GABRG3: variants seen among roughly 807,000 people sequenced by gnomAD.
GABRG3 encodes gamma-aminobutyric acid receptor subunit gamma-3.
In GABRG3, 25 loss-of-function variants were observed where a neutral mutation model predicts 48.8. The observed-to-expected ratio is 0.51, with a 90% CI of 0.37 to 0.72. GABRG3 has a LOEUF of 0.72. Ranked by LOEUF, GABRG3 falls within the 30% of genes least tolerant of loss-of-function variation. The pLI is 0.00. For synonymous variants in GABRG3, 227 were observed against 217.6 expected (o/e 1.04, Z -0.38); for missense variants, 394 against 577.9 (o/e 0.68, Z 3.26).
At chr15:27,469,196 T>C (rs1889707967) in intron 5 of GABRG3, among the ~76,000 whole-genome samples, 1 of 152,172 alleles carries the variant, frequency 6.6e-6, no homozygotes, top group South Asian at 2.1e-4. Context: ...AAAGTTAGTA[T>C]GGGTTCCTTA....
At chr15:27,142,188 T>C (rs1777844029) in intron 3 of GABRG3, among the ~76,000 whole-genome samples, 2 of 152,232 alleles carry the variant, frequency 1.3e-5, no homozygotes, top group South Asian at 4.1e-4. Flanking sequence ...TGATAACTTA[T>C]TCATTCATTA....
In GABRG3 at chr15:27,303,254, A is replaced by G. The variant is rs147021002; in HGVS notation, c.271-23555A>G. Reference sequence around the variant, plus strand: ...AAAAAAAAAAAGACACAAATTACCAATATCAGGAATTGAAAAGAAATGGGA... The same window carrying G: ...AAAAAAAAAAAGACACAAATTACCAGTATCAGGAATTGAAAAGAAATGGGA... On this transcript the variant is annotated intron_variant, in intron 3 of 9. Coordinates refer to ENST00000615808, the MANE Select transcript of GABRG3 (RefSeq NM_033223.5). Among the ~76,000 whole-genome samples the G allele has an allele frequency of 1.3e-3, 194 of 151,880 alleles. 3 individuals carry two copies. The highest frequency in any genetic ancestry group is 4.5e-3 in the African/African-American group (186 of 41,534).
At chr15:27,261,662 A>G (rs568645952) in intron 3 of GABRG3, among the ~76,000 whole-genome samples, 62 of 152,160 alleles carry the variant, frequency 4.1e-4, no homozygotes, top group Admixed American at 7.2e-4. Flanking sequence ...ATTTTTGTTG[A>G]CAAAGACTTA....
chr15:27,219,777 G>A (rs181271774), intron 3 of GABRG3, among the ~76,000 whole-genome samples: 15 of 152,292 alleles, frequency 9.8e-5, no homozygotes, highest in East Asian at 5.8e-4. Flanking sequence ...TTCCCTCCTC[G>A]CCTTGCCTAT....
At chr15:27,409,710 A>ATC (rs1312892021) in intron 5 of GABRG3, among the ~76,000 whole-genome samples, 3 of 152,190 alleles carry the variant, frequency 2.0e-5, no homozygotes, top group Non-Finnish European at 4.4e-5. Context: ...AACACTGTGC[A>ATC]TCTCTCCATT....
chr15:27,290,906 A>T (rs1025318457), intron 3 of GABRG3, among the ~76,000 whole-genome samples: 8 of 152,150 alleles, frequency 5.3e-5, no homozygotes, highest in African/African-American at 1.9e-4. Flanking sequence ...AATACGAAAA[A>T]GTAGGTGTGG....
At position 27,217,149 on chromosome 15, in the gene GABRG3, T is replaced by A. The variant is rs377374916; in HGVS notation, c.271-109660T>A. Reference sequence around the variant, plus strand: ...TGCATAGTATTCCATGGTGTATATGTGCCACATTTTCTTAATCCAGTCTAT... The same window carrying A: ...TGCATAGTATTCCATGGTGTATATGAGCCACATTTTCTTAATCCAGTCTAT... On this transcript the variant is annotated intron_variant, in intron 3 of 9. Coordinates refer to ENST00000615808, the MANE Select transcript of GABRG3 (RefSeq NM_033223.5). 5.4e-4 allele frequency among the ~76,000 whole-genome samples: 82 copies of A among 152,190 alleles called. No homozygotes were observed. In the East Asian group the frequency reaches 0.015, roughly 28 times the overall value.
At chr15:27,023,402 C>T (rs555294425) in intron 2 of GABRG3, among the ~76,000 whole-genome samples, 64 of 152,274 alleles carry the variant, frequency 4.2e-4, no homozygotes, top group African/African-American at 1.5e-3. Flanking sequence ...GCCACCACCA[C>T]CATCCATCTC....
chr15:27,034,780 A>T (rs944977357), intron 3 of GABRG3, among the ~76,000 whole-genome samples: 1 of 152,206 alleles, frequency 6.6e-6, no homozygotes, highest in African/African-American at 2.4e-5. Context: ...GAGTGAATGG[A>T]TAACAGTCCT....
chr15:27,086,444 G>A (rs1288910772), intron 3 of GABRG3, among the ~76,000 whole-genome samples: 1 of 152,130 alleles, frequency 6.6e-6, no homozygotes, highest in Non-Finnish European at 1.5e-5. Context: ...GAAAATGAGC[G>A]CTGTAGTTAC....
chr15:27,500,057 A>G (rs1006577400), intron 6 of GABRG3, among the ~76,000 whole-genome samples: 2 of 152,216 alleles, frequency 1.3e-5, no homozygotes, highest in Admixed American at 1.3e-4. Flanking sequence ...AGCAGCACTC[A>G]GAGAAGCAAG....
At chr15:27,407,285 TG>T (rs1192149901) in intron 5 of GABRG3, among the ~76,000 whole-genome samples, 8 of 152,174 alleles carry the variant, frequency 5.3e-5, no homozygotes, top group Non-Finnish European at 8.8e-5. Context: ...CCTACTGGAA[TG>T]GGCAAAATCC....
intron 3 of GABRG3, among the ~76,000 whole-genome samples, chr15:27,245,509 A>C (rs553208613): frequency 6.6e-6 from 1 of 152,330 alleles, no homozygotes; most frequent in African/African-American, 2.4e-5. Flanking sequence ...AAAATCAGCC[A>C]AAATATGTGT....
At chr15:27,031,578 C>G (rs1215213379) in intron 3 of GABRG3, among the ~76,000 whole-genome samples, 1 of 152,144 alleles carries the variant, frequency 6.6e-6, no homozygotes, top group Non-Finnish European at 1.5e-5. Context: ...GATTGTGGGA[C>G]AGGTCCAACA....
At chr15:27,329,023 T>C in intron 5 of GABRG3, 135 bp downstream of exon 5, 1 of 757,264 alleles carries the variant, frequency 1.3e-6, no homozygotes. Flanking sequence ...GGTTTCAGTA[T>C]TGACCACCTG....
intron 2 of GABRG3, among the ~76,000 whole-genome samples, chr15:27,003,591 G>C (rs1034301996): frequency 1.3e-5 from 2 of 152,322 alleles, no homozygotes; most frequent in East Asian, 1.9e-4. Context: ...TCTTAGTACA[G>C]AACAAAATGA....
At chr15:27,104,841 A>T (rs1897422719) in intron 3 of GABRG3, among the ~76,000 whole-genome samples, 1 of 152,198 alleles carries the variant, frequency 6.6e-6, no homozygotes, top group Non-Finnish European at 1.5e-5. Flanking sequence ...CATTTTTCAA[A>T]CCTTTTAAAA....
intron 3 of GABRG3, among the ~76,000 whole-genome samples, chr15:27,317,213 C>G (rs1488688846): frequency 1.3e-5 from 2 of 152,182 alleles, no homozygotes; most frequent in Non-Finnish European, 2.9e-5. Context: ...CATGGCAACT[C>G]TGACTCCTCT....
intron 3 of GABRG3, among the ~76,000 whole-genome samples, chr15:27,314,793 A>G (rs938863282): frequency 1.3e-5 from 2 of 152,248 alleles, no homozygotes; most frequent in Admixed American, 6.5e-5. Flanking sequence ...AAATGAAATA[A>G]CACAGTCACA....
Sources: allele counts gnomAD v4.1 joint callset (sites outside exome capture counted in the v4.1 genomes callset), GRCh38; gene constraint gnomAD v4.1.1; transcripts MANE v1.5; gene names NCBI Gene and HGNC (gene_info 2026-07-23, HGNC 2026-07-21).